The following EEF1AKMT1 variants were observed in gnomAD, a reference collection of about 807,000 sequenced individuals.
The protein encoded by EEF1AKMT1 is EEF1A lysine methyltransferase 1.
In EEF1AKMT1, 18 loss-of-function variants were observed where a neutral mutation model predicts 21.0. The observed-to-expected ratio is 0.86, with a 90% confidence interval of 0.59 to 1.27. EEF1AKMT1 has a LOEUF of 1.27. Ranked by LOEUF, EEF1AKMT1 falls within the 50% of genes most tolerant of loss-of-function variation. EEF1AKMT1 has a pLI of 0.00. For synonymous variants in EEF1AKMT1, 109 were observed against 94.8 expected (o/e 1.15, Z -0.87); for missense variants, 246 against 258.6 (o/e 0.95, Z 0.33).
intron 2 of EEF1AKMT1, among the ~76,000 whole-genome samples, chr13:20,738,938 G>A (rs1354447364): frequency 6.6e-6 from 1 of 152,172 alleles, no homozygotes; most frequent in African/African-American, 2.4e-5. Flanking sequence ...TGGGTTCTTG[G>A]TCTCACTGAC....
chr13:20,729,144 C>T lies in EEF1AKMT1; in HGVS notation c.581G>A (p.Arg194Gln), dbSNP rs190147851. The change falls in exon 5 of 5, where the codon CGG becomes CAG. Residue 194 changes from arginine (R) to glutamine (Q), a missense_variant. Coordinates refer to ENST00000382758, the MANE Select transcript of EEF1AKMT1 (RefSeq NM_001318939.2). Reference sequence around the variant, plus strand: ...ACAGCGAAACTCATTTGCCAAGTTCCGGGTGTGTCTTGGAACAAACGTGCA... The same window carrying T: ...ACAGCGAAACTCATTTGCCAAGTTCTGGGTGTGTCTTGGAACAAACGTGCA... ...KMCTFVPRHTRNLANEFRCYV... is the reference protein window; with the variant it reads ...KMCTFVPRHTQNLANEFRCYV... 2.2e-5 allele frequency: 36 copies of T among 1,614,174 alleles called. No homozygotes were observed. The highest frequency in any genetic ancestry group is 2.2e-5 in the East Asian group (1 of 44,878).
At position 20,733,189 on chromosome 13, in the gene EEF1AKMT1, G is replaced by A. The variant is rs140105647; in HGVS notation, c.228-1068C>T. ...CGGCTCACTGAAACCTCTGCCTTCC[G>A]GGTTCAAGCGATTCTCCTGCCTCAG... On this transcript the variant is annotated intron_variant, in intron 3 of 4. Transcript: ENST00000382758. 3.1e-3 allele frequency among the ~76,000 whole-genome samples: 456 copies of A among 148,736 alleles called. 1 individual carries two copies. The highest frequency in any genetic ancestry group is 0.01 in the African/African-American group (416 of 40,282).
intron 1 of EEF1AKMT1, among the ~76,000 whole-genome samples, chr13:20,765,632 C>G (rs964940392): frequency 6.6e-6 from 1 of 151,816 alleles, no homozygotes; most frequent in Non-Finnish European, 1.5e-5. Context: ...AGGCTGGTCT[C>G]GAACTCCTGA....
intron 1 of EEF1AKMT1, among the ~76,000 whole-genome samples, chr13:20,764,880 A>AACACAC (rs34574835): frequency 0.13 from 18,052 of 139,696 alleles, 1,410 homozygotes; most frequent in East Asian, 0.32. Flanking sequence ...TTTCACTTTC[A>AACACAC]ACACACACAC....
chr13:20,760,346 A>G (rs1298231181), intron 1 of EEF1AKMT1, among the ~76,000 whole-genome samples: 1 of 152,208 alleles, frequency 6.6e-6, no homozygotes, highest in Non-Finnish European at 1.5e-5. Flanking sequence ...ACCATGGAAT[A>G]GTACACAGCC....
intron 3 of EEF1AKMT1, among the ~76,000 whole-genome samples, chr13:20,737,376 A>C (rs1202616813): frequency 3.3e-5 from 5 of 152,204 alleles, no homozygotes; most frequent in African/African-American, 7.2e-5. Context: ...AAAATAAATA[A>C]ATACATACAT....
intron 3 of EEF1AKMT1, among the ~76,000 whole-genome samples, chr13:20,737,128 G>A (rs2058830133): frequency 6.6e-6 from 1 of 152,070 alleles, no homozygotes; most frequent in African/African-American, 2.4e-5. Context: ...CACTTTGGGA[G>A]CCTGAGGCAG....
intron 3 of EEF1AKMT1, 67 bp downstream of exon 3, chr13:20,737,656 T>A (rs1042857443): frequency 1.4e-5 from 18 of 1,296,530 alleles, no homozygotes; most frequent in Non-Finnish European, 2.0e-5. Context: ...TTACAAACCA[T>A]CTGTCATCCA....
At chr13:20,737,289 G>T (rs550751473) in intron 3 of EEF1AKMT1, among the ~76,000 whole-genome samples, 2 of 152,164 alleles carry the variant, frequency 1.3e-5, no homozygotes, top group African/African-American at 2.4e-5. Context: ...GCTTGAATCT[G>T]GGAGGCGGAG....
At chr13:20,736,513 C>T (rs940163038) in intron 3 of EEF1AKMT1, among the ~76,000 whole-genome samples, 1 of 151,942 alleles carries the variant, frequency 6.6e-6, no homozygotes, top group African/African-American at 2.4e-5. Context: ...TATAAGGACT[C>T]CAGCATGATG....
chr13:20,767,063 T>A (rs1171827738), intron 1 of EEF1AKMT1, among the ~76,000 whole-genome samples: 1 of 151,980 alleles, frequency 6.6e-6, no homozygotes, highest in East Asian at 1.9e-4. Flanking sequence ...TCCCAGCACT[T>A]TGGGAGGCTG....
chr13:20,731,866 C>A lies in EEF1AKMT1; in HGVS notation c.483G>T (p.Thr161=). The change falls in exon 4 of 5, where the codon ACG becomes ACT. Residue 161 remains threonine, a synonymous_variant. Transcript: ENST00000382758. ...RKTSETVKYL[T]RGKILLCTGA... is the part of the protein sequence containing the mutation. ...CTGTGCACAGCAGAATCTTGCCCCG[C>A]GTCAGGTACTTGACGGTTTCCGATG... is the stretch of plus-strand genomic sequence containing the variant. The A allele has an allele frequency of 6.2e-7, 1 of 1,613,932 alleles. No individual in the cohort carries two copies. Among genetic ancestry groups the A allele is most frequent in the Non-Finnish European group, 8.5e-7 (1 of 1,179,842 alleles).
intron 1 of EEF1AKMT1, among the ~76,000 whole-genome samples, chr13:20,759,993 T>C (rs1466420527): frequency 1.3e-5 from 2 of 149,818 alleles, no homozygotes; most frequent in East Asian, 4.0e-4. Flanking sequence ...TAGTCCCAGC[T>C]ACTCGGGAGG....
chr13:20,734,136 G>A (rs777796238), intron 3 of EEF1AKMT1, among the ~76,000 whole-genome samples: 1 of 152,196 alleles, frequency 6.6e-6, no homozygotes, highest in Non-Finnish European at 1.5e-5. Flanking sequence ...TGCAACCAAA[G>A]ATTATATATG....
Position 20,729,157 on chromosome 13 carries a change from G to C in EEF1AKMT1, c.568C>G (p.Pro190Ala), listed in dbSNP as rs763306684. The C allele has an allele frequency of 1.4e-5, 22 of 1,614,022 alleles. No individual in the cohort carries two copies. The highest frequency in any genetic ancestry group is 1.6e-4 in the Middle Eastern group (1 of 6,084). ...TTTGCCAAGTTCCGGGTGTGTCTTG[G>C]AACAAACGTGCACATCTTCACTCCA... ...LLGVKMCTFV[P>A]RHTRNLANEF... is the part of the protein sequence containing the mutation. Residue 190 changes from proline (P) to alanine (A), a missense_variant, in exon 5 of 5, where the codon CCA becomes GCA. Pro to Ala is a conservative substitution (Grantham distance 27, BLOSUM62 -1). Transcript: ENST00000382758.
At chr13:20,739,564 A>ACAAT (rs1212403860) in intron 2 of EEF1AKMT1, among the ~76,000 whole-genome samples, 1 of 152,156 alleles carries the variant, frequency 6.6e-6, no homozygotes, top group Non-Finnish European at 1.5e-5. Flanking sequence ...TGGTGCATTT[A>ACAAT]CAATCCTCTA....
intron 3 of EEF1AKMT1, among the ~76,000 whole-genome samples, chr13:20,735,699 A>C (rs940762034): frequency 2.0e-5 from 3 of 152,212 alleles, no homozygotes; most frequent in Non-Finnish European, 1.5e-5. Context: ...ACAGACATTT[A>C]AGGAACATAG....
At chr13:20,730,209 C>A (rs1397424921) in intron 4 of EEF1AKMT1, among the ~76,000 whole-genome samples, 1 of 152,240 alleles carries the variant, frequency 6.6e-6, no homozygotes, top group Admixed American at 6.5e-5. Flanking sequence ...CAGAGCGCTG[C>A]CTGCTGGTGC....
At chr13:20,730,732 C>T (rs1028306072) in intron 4 of EEF1AKMT1, among the ~76,000 whole-genome samples, 1 of 151,960 alleles carries the variant, frequency 6.6e-6, no homozygotes, top group Non-Finnish European at 1.5e-5. Flanking sequence ...CCAATCAGCA[C>T]TCTCTGAAAA....
Sources: allele counts gnomAD v4.1 joint callset (sites outside exome capture counted in the v4.1 genomes callset), GRCh38; gene constraint gnomAD v4.1.1; transcripts MANE v1.5; gene names NCBI Gene and HGNC (gene_info 2026-07-23, HGNC 2026-07-21).